The following ACSL5 variants were observed in gnomAD, a reference collection of about 807,000 sequenced individuals.
The protein encoded by ACSL5 is long-chain-fatty-acid--CoA ligase 5.
In ACSL5, 50 loss-of-function variants were observed where a neutral mutation model predicts 84.9. That is an observed-to-expected ratio of 0.59 (90% CI 0.47 to 0.75). The LOEUF (loss-of-function observed/expected upper bound fraction) is 0.75. ACSL5 is among the 30% of genes least tolerant of loss of function. The probability of loss-of-function intolerance (pLI) is 0.00; values close to 1 mark genes in which losing one functional copy is unlikely to be tolerated. For synonymous variants in ACSL5, 280 were observed against 300.7 expected (o/e 0.93, Z 0.71); for missense variants, 775 against 830.4 (o/e 0.93, Z 0.82).
chr10:112,418,296 C>T (rs944237969), intron 14 of ACSL5, among the ~76,000 whole-genome samples: 1 of 152,068 alleles, frequency 6.6e-6, no homozygotes, highest in African/African-American at 2.4e-5. Flanking sequence ...ATACTTGACT[C>T]CCTAGCCGGG....
rs755285128 is a variant in ACSL5 at position 112,425,398 on chromosome 10, T to C, written c.1654T>C (p.Tyr552His). 6.2e-7 allele frequency: 1 copy of C among 1,613,434 alleles called. No homozygotes were observed. Among genetic ancestry groups the C allele is most frequent in the Non-Finnish European group, 8.5e-7 (1 of 1,179,640 alleles). The change falls in exon 18 of 21, where the codon TAC becomes CAC. Residue 552 changes from tyrosine to histidine, a missense_variant. Coordinates refer to ENST00000354655, the MANE Select transcript of ACSL5 (RefSeq NM_203379.2). ...CATTTTCAAGCTGGCCCAAGGAGAA[T>C]ACATTGCACCAGAGAAGATAGAAAA... ...KNIFKLAQGE[Y>H]IAPEKIENIY...
chr10:112,379,141 A>C (rs1849299604), intron 1 of ACSL5, among the ~76,000 whole-genome samples: 1 of 152,208 alleles, frequency 6.6e-6, no homozygotes, highest in Non-Finnish European at 1.5e-5. Flanking sequence ...GCAGTGGCTC[A>C]TGCCAGTAAT....
At chr10:112,410,670 G>C in intron 9 of ACSL5, 35 bp downstream of exon 9, 1 of 1,599,774 alleles carries the variant, frequency 6.3e-7, no homozygotes, top group Middle Eastern at 2.0e-4. Flanking sequence ...TAGACCCCTG[G>C]TCAGCCAAGA....
At chr10:112,393,787 T>G (rs1423078197) in intron 1 of ACSL5, among the ~76,000 whole-genome samples, 1 of 152,210 alleles carries the variant, frequency 6.6e-6, no homozygotes, top group Admixed American at 6.5e-5. Flanking sequence ...AAAAAATGAA[T>G]TGTCGTTTTG....
intron 19 of ACSL5, 146 bp downstream of exon 19, chr10:112,426,505 T>A (rs1016256383): frequency 1.2e-5 from 8 of 655,616 alleles, no homozygotes; most frequent in Non-Finnish European, 2.1e-5. Context: ...GGATGGAGAG[T>A]TTAAAAAATA....
At chr10:112,380,106 A>G (rs750262474) in intron 1 of ACSL5, among the ~76,000 whole-genome samples, 1 of 152,106 alleles carries the variant, frequency 6.6e-6, no homozygotes, top group African/African-American at 2.4e-5. Flanking sequence ...GGTGTTACTG[A>G]CACAAGTTGT....
intron 3 of ACSL5, among the ~76,000 whole-genome samples, chr10:112,400,540 C>G (rs2133604670): frequency 6.6e-6 from 1 of 151,116 alleles, no homozygotes; most frequent in Admixed American, 6.6e-5. Context: ...TCCCGAGTAG[C>G]TGGGATTACA....
chr10:112,422,553 GA>G lies in ACSL5; in HGVS notation c.1593+113del, dbSNP rs1029454017. On this transcript the variant is annotated intron_variant, in intron 17 of 20. Coordinates refer to ENST00000354655, the MANE Select transcript of ACSL5 (RefSeq NM_203379.2). ...GTAGGTTAATCAGCTGAGGCAGCTG[GA>G]GGGGATTAGGTTTGTACCCTACCTG... 6.1e-6 allele frequency: 6 copies of G among 990,766 alleles called. No individual in the cohort carries two copies. In the African/African-American group the frequency reaches 6.4e-5, roughly 11 times the overall value. 61.4% of individuals were successfully genotyped at this position (990,766 alleles called of 1,614,324 possible).
intron 12 of ACSL5, among the ~76,000 whole-genome samples, chr10:112,414,038 A>G (rs1394786946): frequency 6.6e-6 from 1 of 152,196 alleles, no homozygotes; most frequent in Admixed American, 6.5e-5. Flanking sequence ...GTCACATCTA[A>G]TAAGGGGTAG....
chr10:112,390,964 T>C (rs1849549072), intron 1 of ACSL5, among the ~76,000 whole-genome samples: 1 of 152,192 alleles, frequency 6.6e-6, no homozygotes, highest in African/African-American at 2.4e-5. Flanking sequence ...GTGATGAAAA[T>C]GTTTTGGAAC....
chr10:112,405,478 C>T (rs1433622333), intron 5 of ACSL5, among the ~76,000 whole-genome samples: 2 of 152,158 alleles, frequency 1.3e-5, no homozygotes, highest in African/African-American at 4.8e-5. Flanking sequence ...CTATGTGGAT[C>T]TTGTTGAAAG....
At chr10:112,400,485 C>T (rs962507657) in intron 3 of ACSL5, among the ~76,000 whole-genome samples, 1 of 144,456 alleles carries the variant, frequency 6.9e-6, no homozygotes, top group Admixed American at 7.3e-5. Context: ...TCTTGGCTCA[C>T]GGCAACCTCT....
At chr10:112,422,899 T>TA (rs1051273346) in intron 17 of ACSL5, among the ~76,000 whole-genome samples, 6 of 142,902 alleles carry the variant, frequency 4.2e-5, no homozygotes, top group South Asian at 2.2e-4. Flanking sequence ...TAGGTTAAGT[T>TA]AAAAAAAGGC....
Position 112,427,352 on chromosome 10 carries a change from G to A in ACSL5, c.2046G>A (p.Gln682=). The A allele has an allele frequency of 6.2e-7, 1 of 1,611,818 alleles. No individual in the cohort carries two copies. Among genetic ancestry groups the A allele is most frequent in the African/African-American group, 1.3e-5 (1 of 74,888 alleles). ...TQIDSLYEHI[Q]D is the part of the protein sequence containing the mutation. ...TTGACAGCCTGTATGAGCACATCCA[G>A]GATTAGGATAAGGTACTTAAGTACC... The change falls in exon 21 of 21, where the codon CAG becomes CAA. Residue 682 remains glutamine (Q), a synonymous_variant. Coordinates refer to ENST00000354655, the MANE Select transcript of ACSL5 (RefSeq NM_203379.2).
At position 112,417,870 on chromosome 10, in the gene ACSL5, G is replaced by T. The variant is rs201224468; in HGVS notation, c.1243G>T (p.Val415Leu). The change falls in exon 14 of 21, where the codon GTA becomes TTA. Residue 415 changes from valine (V) to leucine (L), a missense_variant. Coordinates refer to ENST00000354655, the MANE Select transcript of ACSL5 (RefSeq NM_203379.2). Reference sequence around the variant, plus strand: ...GGACAGCCTGGGCGGAAGGGTTCGTGTAATTGTCACTGGAGCTGCCCCCAT... The same window carrying T: ...GGACAGCCTGGGCGGAAGGGTTCGTTTAATTGTCACTGGAGCTGCCCCCAT... ...IQDSLGGRVR[V>L]IVTGAAPMST... 1.2e-6 allele frequency: 2 copies of T among 1,614,018 alleles called. No individual in the cohort carries two copies. Among genetic ancestry groups the T allele is most frequent in the African/African-American group, 2.7e-5 (2 of 75,012 alleles).
chr10:112,404,076 A>G (rs1038680924), intron 3 of ACSL5, among the ~76,000 whole-genome samples: 7 of 152,208 alleles, frequency 4.6e-5, no homozygotes, highest in Non-Finnish European at 5.9e-5. Context: ...TTGGGTGATG[A>G]GATTGATGAT....
rs777261821 is a variant in ACSL5 at position 112,408,520 on chromosome 10, G to T, written c.531G>T (p.Lys177Asn). 2 of 1,599,574 alleles carry T rather than the reference G, an allele frequency of 1.3e-6. No homozygotes were observed. Among genetic ancestry groups the T allele is most frequent in the Admixed American group, 1.7e-5 (1 of 59,924 alleles). The change falls in exon 6 of 21, where the codon AAG (lysine) becomes AAT (asparagine). Residue 177 changes from lysine to asparagine, a missense_variant and splice_region_variant. Lys to Asn is a moderately conservative substitution (Grantham distance 94, BLOSUM62 0). Transcript: ENST00000354655. The stretch of plus-strand genomic sequence containing the variant: ...AAGCCATCGTACATATTGTCAACAA[G>T]GGTAAAATTTTGCTGTTACATTACA... ...GPEAIVHIVN[K>N]ADIAMVICDT...
chr10:112,378,406 C>T (rs1027461394), intron 1 of ACSL5, among the ~76,000 whole-genome samples: 8 of 151,554 alleles, frequency 5.3e-5, no homozygotes, highest in Non-Finnish European at 1.2e-4. Flanking sequence ...ACCACCATGC[C>T]CAAATAATTT....
chr10:112,427,176 A>G (rs1398571152), intron 20 of ACSL5, 42 bp from the exon 21 acceptor site: 26 of 1,576,574 alleles, frequency 1.6e-5, no homozygotes, highest in Non-Finnish European at 2.1e-5. Context: ...AGAGAAGTCC[A>G]AATCACTAAT....
Sources: gnomAD v4.1 joint callset for allele counts (sites outside exome capture counted in the v4.1 genomes callset) on GRCh38, gnomAD v4.1.1 for gene constraint, MANE v1.5 for transcripts, NCBI Gene and HGNC (gene_info 2026-07-23, HGNC 2026-07-21) for gene names.